PLSCR2: variants seen among roughly 807,000 people sequenced by gnomAD.
PLSCR2 encodes the protein phospholipid scramblase 2.
Under a neutral mutation model 25.3 loss-of-function variants are expected in PLSCR2, and 18 were observed. That is an observed-to-expected ratio of 0.71 (90% CI 0.49 to 1.06). The LOEUF (loss-of-function observed/expected upper bound fraction) is 1.06. Among genes scored for constraint, PLSCR2 ranks in the 50% least tolerant of loss-of-function variants. The probability of loss-of-function intolerance (pLI) is 0.00; values close to 1 mark genes in which losing one functional copy is unlikely to be tolerated. For missense variants in PLSCR2, 243 were observed against 269.5 expected (o/e 0.90, Z 0.69); for synonymous variants, 88 against 87.3 (o/e 1.01, Z -0.04).
downstream of PLSCR2, among the ~76,000 whole-genome samples, chr3:146,429,375 G>A (rs951159991): frequency 6.6e-6 from 1 of 152,162 alleles, no homozygotes; most frequent in South Asian, 2.1e-4. Flanking sequence ...GGGCTGACAA[G>A]GTCTCAGAAG....
intron 1 of PLSCR2, among the ~76,000 whole-genome samples, chr3:146,466,405 G>A (rs149113562): frequency 1.9e-3 from 296 of 152,282 alleles, no homozygotes; most frequent in African/African-American, 6.5e-3. Context: ...TCCTAGTCTC[G>A]TTATCTGCCC....
At chr3:146,437,721 C>A (rs1008791362), downstream of PLSCR2, among the ~76,000 whole-genome samples, 1 of 151,908 alleles carries the variant, frequency 6.6e-6, no homozygotes, top group Admixed American at 6.6e-5. Flanking sequence ...TTCAAAAATC[C>A]ACCTCCTGGA....
intron 4 of PLSCR2, among the ~76,000 whole-genome samples, chr3:146,454,464 TA>T (rs2041082821): frequency 6.6e-6 from 1 of 152,186 alleles, no homozygotes; most frequent in Non-Finnish European, 1.5e-5. Flanking sequence ...CCTCTCAAAA[TA>T]AGTGCAGTAT....
chr3:146,465,158 G>A (rs753653170), upstream of PLSCR2, among the ~76,000 whole-genome samples: 15 of 152,030 alleles, frequency 9.9e-5, no homozygotes, highest in Admixed American at 1.3e-4. Flanking sequence ...CTAATCTACC[G>A]TTAACTAATC....
At chr3:146,461,965 A>AG, upstream of PLSCR2, 1 of 1,349,406 alleles carries the variant, frequency 7.4e-7, no homozygotes. Context: ...AGCTAAAAAA[A>AG]AAAATGACAA....
chr3:146,473,280 A>G (rs1030671722), intron 1 of PLSCR2, among the ~76,000 whole-genome samples: 19 of 141,800 alleles, frequency 1.3e-4, no homozygotes, highest in Middle Eastern at 3.6e-3. Context: ...TTATTGTATT[A>G]TAGTCCTGAA....
In PLSCR2 at chr3:146,399,473, A is replaced by G. The variant is rs562987532; in HGVS notation, c.101-3552T>C. On this transcript the variant is annotated intron_variant and NMD_transcript_variant, in intron 2 of 3. Transcript: ENST00000463633. ...CACACACATATACACACATAGTATA[A>G]ATATGCTGTATTTATGTAATACATT... Among the ~76,000 whole-genome samples the G allele has an allele frequency of 4.6e-5, 7 of 152,030 alleles. 1 individual carries two copies. In the South Asian group the frequency reaches 8.3e-4, roughly 18 times the overall value.
At chr3:146,395,898 C>T (rs2038257433) in exon 3 of PLSCR2, 2 of 320,520 alleles carry the variant, frequency 6.2e-6, no homozygotes, top group South Asian at 2.6e-5. Flanking sequence ...TTCCAATAAC[C>T]ATTTCCTCAT....
intron 2 of PLSCR2, among the ~76,000 whole-genome samples, chr3:146,415,887 A>G (rs925220347): frequency 1.3e-5 from 2 of 152,194 alleles, no homozygotes; most frequent in Non-Finnish European, 2.9e-5. Context: ...TCTCAAGGTT[A>G]ATGTAAGTTA....
chr3:146,436,736 TTCC>T (rs57646966), intron 8 of PLSCR2, among the ~76,000 whole-genome samples: 72,788 of 151,262 alleles, frequency 0.48, 18,298 homozygotes, highest in South Asian at 0.7. Context: ...ACAATTTGAC[TTCC>T]TCTTTTCCTA....
At chr3:146,451,107 CTTTTT>C (rs58373001) in intron 5 of PLSCR2, among the ~76,000 whole-genome samples, 29 of 79,482 alleles carry the variant, frequency 3.6e-4, no homozygotes, top group Admixed American at 1.8e-4. Flanking sequence ...ATTAAGTTTT[CTTTTT>C]TTTTTTTTTT....
intron 1 of PLSCR2, among the ~76,000 whole-genome samples, chr3:146,480,302 G>A (rs1439557027): frequency 6.6e-6 from 1 of 152,186 alleles, no homozygotes; most frequent in East Asian, 1.9e-4. Flanking sequence ...CCAGGATCTG[G>A]CTTTGTGAAA....
downstream of PLSCR2, among the ~76,000 whole-genome samples, chr3:146,429,619 G>T (rs1174539644): frequency 6.6e-6 from 1 of 151,074 alleles, no homozygotes; most frequent in African/African-American, 2.4e-5. Context: ...CTTAAAATTG[G>T]AATTTATTTA....
chr3:146,422,323 C>T (rs988895811), intron 2 of PLSCR2, among the ~76,000 whole-genome samples: 2 of 152,050 alleles, frequency 1.3e-5, no homozygotes, highest in African/African-American at 2.4e-5. Flanking sequence ...GGCCCATGAA[C>T]GTAGCTGATC....
intron 1 of PLSCR2, among the ~76,000 whole-genome samples, chr3:146,483,450 T>TATATAC: frequency 1.8e-5 from 1 of 54,152 alleles, no homozygotes; most frequent in African/African-American, 8.7e-5. Flanking sequence ...TATACACATG[T>TATATAC]ATGTATATAT....
intron 2 of PLSCR2, among the ~76,000 whole-genome samples, chr3:146,416,197 G>A (rs1259031752): frequency 1.3e-5 from 2 of 152,084 alleles, no homozygotes; most frequent in Non-Finnish European, 1.5e-5. Context: ...TGATCCGCCC[G>A]CCTCAGCCTC....
chr3:146,443,505 G>C (rs2040371847), intron 6 of PLSCR2, among the ~76,000 whole-genome samples: 1 of 151,918 alleles, frequency 6.6e-6, no homozygotes, highest in Non-Finnish European at 1.5e-5. Flanking sequence ...TATGTGTCTA[G>C]AAATTTATCC....
At chr3:146,479,716 C>T (rs1218516567) in intron 1 of PLSCR2, among the ~76,000 whole-genome samples, 1 of 152,196 alleles carries the variant, frequency 6.6e-6, no homozygotes, top group East Asian at 1.9e-4. Flanking sequence ...GACTTGAACT[C>T]AGCTCTGCAC....
chr3:146,420,706 T>A (rs529820656), intron 2 of PLSCR2, among the ~76,000 whole-genome samples: 2 of 152,090 alleles, frequency 1.3e-5, no homozygotes, highest in Admixed American at 6.6e-5. Context: ...AAATACTTTC[T>A]ATATTATAGA....
Sources: allele counts gnomAD v4.1 joint callset (sites outside exome capture counted in the v4.1 genomes callset), GRCh38; gene constraint gnomAD v4.1.1; transcripts MANE v1.5; gene names NCBI Gene and HGNC (gene_info 2026-07-23, HGNC 2026-07-21).